The following PCDH9 variants were observed in gnomAD, a reference collection of about 807,000 sequenced individuals.
The protein encoded by PCDH9 is protocadherin-9.
A neutral mutation model predicts 70.6 loss-of-function variants in PCDH9; 24 were observed. The ratio of observed to expected loss-of-function variants is 0.34; its 90% CI spans 0.25 to 0.48. The LOEUF (loss-of-function observed/expected upper bound fraction) is 0.48, where lower values mean the gene tolerates loss of function less well. Among genes scored for constraint, PCDH9 ranks in the 20% least tolerant of loss-of-function variants. PCDH9 has a pLI of 0.99. For missense variants in PCDH9, 1,281 were observed against 1,503.6 expected (o/e 0.85, Z 2.45); for synonymous variants, 562 against 558.5 (o/e 1.01, Z -0.09).
At chr13:66,934,200 A>T (rs1276300122) in intron 2 of PCDH9, among the ~76,000 whole-genome samples, 2 of 152,138 alleles carry the variant, frequency 1.3e-5, no homozygotes, top group East Asian at 3.9e-4. Flanking sequence ...GTTGATTATT[A>T]TTCAAACATC....
intron 3 of PCDH9, among the ~76,000 whole-genome samples, chr13:66,752,628 C>T (rs1442185527): frequency 6.6e-6 from 1 of 152,162 alleles, no homozygotes; most frequent in East Asian, 1.9e-4. Flanking sequence ...GAAGAGAAAC[C>T]TTATTATATT....
chr13:67,194,827 T>TA (rs1237687774), intron 2 of PCDH9, among the ~76,000 whole-genome samples: 2 of 152,134 alleles, frequency 1.3e-5, no homozygotes, highest in African/African-American at 4.8e-5. Context: ...ACTCAGCAGT[T>TA]AGAGTAGATG....
At chr13:67,080,927 T>C (rs1290579660) in intron 2 of PCDH9, among the ~76,000 whole-genome samples, 3 of 152,206 alleles carry the variant, frequency 2.0e-5, no homozygotes, top group Non-Finnish European at 4.4e-5. Flanking sequence ...AGTGAACTTG[T>C]TGTCAAACCC....
At chr13:67,117,408 C>T (rs981514905) in intron 2 of PCDH9, among the ~76,000 whole-genome samples, 5 of 152,044 alleles carry the variant, frequency 3.3e-5, no homozygotes, top group African/African-American at 2.4e-5. Flanking sequence ...ACTGCATATC[C>T]AAGTGGAAGT....
rs1208874512 is a variant in PCDH9 at position 66,742,012 on chromosome 13, C to CA, written c.3139-110602dup. On this transcript the variant is annotated intron_variant, in intron 3 of 4. Transcript: ENST00000377865. ...AACTACTTTAAAGTTCATATGGAAC[C>CA]AAAAAAGAGCCCGCATTGCCAAGTC... 2.9e-3 allele frequency among the ~76,000 whole-genome samples: 392 copies of CA among 134,144 alleles called. 10 individuals are homozygous for CA. The highest frequency in any genetic ancestry group is 9.7e-3 in the African/African-American group (343 of 35,362). The allele number at this position is 134,144 out of a possible 152,430, so 88.0% of individuals were successfully genotyped here.
intron 3 of PCDH9, among the ~76,000 whole-genome samples, chr13:66,772,777 T>C (rs1223726432): frequency 6.6e-6 from 1 of 152,120 alleles, no homozygotes; most frequent in African/African-American, 2.4e-5. Context: ...ATTAAATATA[T>C]AATTTTTTAA....
At chr13:66,873,862 G>A (rs1421194381) in intron 3 of PCDH9, among the ~76,000 whole-genome samples, 1 of 150,884 alleles carries the variant, frequency 6.6e-6, no homozygotes, top group Non-Finnish European at 1.5e-5. Flanking sequence ...ATATGATCTG[G>A]CCAATCTAAT....
At chr13:67,095,857 T>C (rs2086308871) in intron 2 of PCDH9, among the ~76,000 whole-genome samples, 1 of 152,158 alleles carries the variant, frequency 6.6e-6, no homozygotes, top group African/African-American at 2.4e-5. Context: ...TAACTACAGT[T>C]AGGATTTTGA....
rs547535126 is a variant in PCDH9 at position 66,671,441 on chromosome 13, G to A, written c.3139-40030C>T. ...GTGGGAAAGTTTGGAACTTCCTAGT[G>A]ACTTGGAGGGCTCAGAAGAAAGGAA... On this transcript the variant is annotated intron_variant, in intron 3 of 4. Coordinates refer to ENST00000377865, the MANE Select transcript of PCDH9 (RefSeq NM_203487.3). Among the ~76,000 whole-genome samples, 7 of 152,292 alleles carry A rather than the reference G, an allele frequency of 4.6e-5. No individual in the cohort carries two copies. The South Asian group carries it at 1.4e-3, about 32-fold the overall frequency.
intron 3 of PCDH9, among the ~76,000 whole-genome samples, chr13:66,863,374 GATC>G (rs1479999651): frequency 1.3e-5 from 2 of 152,238 alleles, no homozygotes; most frequent in African/African-American, 4.8e-5. Flanking sequence ...AATAATAAAT[GATC>G]ATTAAACAAA....
At chr13:66,967,111 A>G (rs141892600) in intron 2 of PCDH9, among the ~76,000 whole-genome samples, 257 of 152,212 alleles carry the variant, frequency 1.7e-3, no homozygotes, top group African/African-American at 5.3e-3. Flanking sequence ...TTAAAGAACC[A>G]AGTATACTAT....
chr13:67,161,825 C>A (rs1176631435), intron 2 of PCDH9, among the ~76,000 whole-genome samples: 1 of 152,154 alleles, frequency 6.6e-6, no homozygotes, highest in Non-Finnish European at 1.5e-5. Flanking sequence ...TGCCTCTTAC[C>A]ATTAGTCTCC....
At chr13:67,061,530 T>C (rs552826393) in intron 2 of PCDH9, among the ~76,000 whole-genome samples, 5 of 152,198 alleles carry the variant, frequency 3.3e-5, no homozygotes, top group African/African-American at 1.2e-4. Flanking sequence ...TCATGACTTA[T>C]GAAAAAAGGA....
At chr13:67,064,922 A>AGAT (rs2085615497) in intron 2 of PCDH9, among the ~76,000 whole-genome samples, 1 of 151,794 alleles carries the variant, frequency 6.6e-6, no homozygotes, top group African/African-American at 2.4e-5. Flanking sequence ...ATAGATAGAT[A>AGAT]GATAGATAGA....
In PCDH9 at chr13:67,185,893, C is replaced by T. The variant is rs146661460; in HGVS notation, c.3036+39512G>A. Among the ~76,000 whole-genome samples, 1,098 of 152,038 alleles carry T rather than the reference C, an allele frequency of 7.2e-3. 14 individuals carry two copies. The highest frequency in any genetic ancestry group is 0.025 in the African/African-American group (1,022 of 41,452). On this transcript the variant is annotated intron_variant, in intron 2 of 4. Coordinates refer to ENST00000377865, the MANE Select transcript of PCDH9 (RefSeq NM_203487.3). Reference sequence around the variant, plus strand: ...GATTACAGGCATGAGCCACCACACCCGGCTAATTTTGTATTTTTAGTAGAG... The same window carrying T: ...GATTACAGGCATGAGCCACCACACCTGGCTAATTTTGTATTTTTAGTAGAG...
At chr13:66,614,748 A>C (rs575406136) in intron 4 of PCDH9, among the ~76,000 whole-genome samples, 5 of 152,310 alleles carry the variant, frequency 3.3e-5, no homozygotes, top group African/African-American at 1.2e-4. Context: ...TTTCCTCAGC[A>C]AGGCCATTTT....
At chr13:66,913,724 A>T (rs558084863) in intron 2 of PCDH9, among the ~76,000 whole-genome samples, 2 of 152,176 alleles carry the variant, frequency 1.3e-5, no homozygotes, top group Middle Eastern at 3.4e-3. Flanking sequence ...CTATAAAATG[A>T]TGTAAATAAA....
At chr13:66,491,375 G>T (rs573605691) in intron 4 of PCDH9, among the ~76,000 whole-genome samples, 2 of 145,978 alleles carry the variant, frequency 1.4e-5, no homozygotes, top group African/African-American at 5.2e-5. Context: ...TTGGGTGAGG[G>T]CAGGAGATAT....
intron 4 of PCDH9, among the ~76,000 whole-genome samples, chr13:66,500,615 A>G (rs1959172145): frequency 6.6e-6 from 1 of 152,110 alleles, no homozygotes. Context: ...GGTATTATCC[A>G]CAATCTGAAA....
Sources: allele counts gnomAD v4.1 joint callset (sites outside exome capture counted in the v4.1 genomes callset), GRCh38; gene constraint gnomAD v4.1.1; transcripts MANE v1.5; gene names NCBI Gene and HGNC (gene_info 2026-07-23, HGNC 2026-07-21).